The following BNC2 variants were observed in gnomAD, a reference collection of about 807,000 sequenced individuals.
BNC2 encodes the protein zinc finger protein basonuclin-2.
In BNC2, 20 loss-of-function variants were observed where a neutral mutation model predicts 76.3. The observed-to-expected ratio is 0.26, with a 90% CI of 0.18 to 0.38. BNC2 has a LOEUF of 0.38. Among genes scored for constraint, BNC2 ranks in the 10% least tolerant of loss-of-function variants. The pLI, the probability that BNC2 is intolerant of heterozygous loss-of-function variation, is 1.00. For synonymous variants in BNC2, 582 were observed against 514.8 expected, an observed-to-expected ratio of 1.13 and a Z score of -1.77; for missense variants, 1,382 against 1,399.8, an observed-to-expected ratio of 0.99 and a Z score of 0.20.
intron 3 of BNC2, among the ~76,000 whole-genome samples, chr9:16,605,294 G>A (rs7868274): frequency 0.015 from 2,269 of 152,246 alleles, 59 homozygotes; most frequent in African/African-American, 0.051. Context: ...TACTGGCAAC[G>A]CTTCTTACGC....
At position 16,738,404 on chromosome 9, in the gene BNC2, A is replaced by G; in HGVS notation, c.85T>C (p.Tyr29His). The change falls in exon 2 of 7, where the codon TAT becomes CAT. Residue 29 changes from tyrosine to histidine, a missense_variant. Coordinates refer to ENST00000380672, the MANE Select transcript of BNC2 (RefSeq NM_017637.6). Reference sequence around the variant, plus strand: ...ACCCCACAACATGGGACCTTGAAATATGCTGGCCAGTCTTGCTCACTAAGC... The same window carrying G: ...ACCCCACAACATGGGACCTTGAAATGTGCTGGCCAGTCTTGCTCACTAAGC... ...DRLSEQDWPA[Y>H]FKVPCCGVDT... 1 of 1,614,122 alleles carries G rather than the reference A, an allele frequency of 6.2e-7. No individual in the cohort carries two copies. Among genetic ancestry groups the G allele is most frequent in the Non-Finnish European group, 8.5e-7 (1 of 1,179,994 alleles).
At chr9:16,546,855 C>T (rs974802563) in intron 5 of BNC2, among the ~76,000 whole-genome samples, 4 of 152,220 alleles carry the variant, frequency 2.6e-5, no homozygotes, top group African/African-American at 9.6e-5. Flanking sequence ...AAAAAACAAA[C>T]ATCCAAATAT....
intron 5 of BNC2, among the ~76,000 whole-genome samples, chr9:16,479,084 T>A (rs1388236563): frequency 6.6e-6 from 1 of 151,808 alleles, no homozygotes; most frequent in Non-Finnish European, 1.5e-5. Flanking sequence ...AAACCCTGTC[T>A]CTACCAAAAA....
chr9:16,716,855 T>A (rs1380502818), intron 3 of BNC2, among the ~76,000 whole-genome samples: 2 of 152,226 alleles, frequency 1.3e-5, no homozygotes, highest in East Asian at 3.8e-4. Context: ...AAGAATGTAA[T>A]CCCTGAACAT....
chr9:16,731,646 T>C (rs1824507989), intron 2 of BNC2, among the ~76,000 whole-genome samples: 2 of 152,182 alleles, frequency 1.3e-5, no homozygotes, highest in African/African-American at 2.4e-5. Flanking sequence ...ATATACTGGC[T>C]CTAATACACT....
At chr9:16,773,615 C>T (rs1825886459) in intron 1 of BNC2, among the ~76,000 whole-genome samples, 2 of 152,054 alleles carry the variant, frequency 1.3e-5, no homozygotes, top group African/African-American at 4.8e-5. Context: ...CATTGACAGC[C>T]GCTGAGATAA....
chr9:16,505,618 A>T (rs1822607869), intron 5 of BNC2, among the ~76,000 whole-genome samples: 1 of 152,182 alleles, frequency 6.6e-6, no homozygotes, highest in Non-Finnish European at 1.5e-5. Flanking sequence ...GCTGTTCTAA[A>T]AGAAAATAGT....
At chr9:16,625,290 G>C (rs1488576289) in intron 3 of BNC2, among the ~76,000 whole-genome samples, 1 of 152,160 alleles carries the variant, frequency 6.6e-6, no homozygotes, top group Non-Finnish European at 1.5e-5. Flanking sequence ...TCCTGAAATA[G>C]TTGTGGTAAT....
intron 3 of BNC2, among the ~76,000 whole-genome samples, chr9:16,647,083 A>T (rs1315240318): frequency 6.6e-6 from 1 of 152,128 alleles, no homozygotes; most frequent in African/African-American, 2.4e-5. Flanking sequence ...TTTAAATGCA[A>T]CCTGGTTGTA....
intron 4 of BNC2, among the ~76,000 whole-genome samples, chr9:16,576,213 A>T (rs898311874): frequency 1.3e-5 from 2 of 152,234 alleles, no homozygotes; most frequent in Non-Finnish European, 1.5e-5. Context: ...TCTCCAAGCC[A>T]GAGCTTGCTG....
chr9:16,492,894 A>G (rs1245328774), intron 5 of BNC2, among the ~76,000 whole-genome samples: 1 of 152,078 alleles, frequency 6.6e-6, no homozygotes, highest in Non-Finnish European at 1.5e-5. Context: ...AGTCAACTTA[A>G]CATGTAGGTT....
intron 6 of BNC2, 127 bp from the exon 7 acceptor site, chr9:16,419,776 A>T (rs1271569025): frequency 1.5e-6 from 1 of 689,546 alleles, no homozygotes; most frequent in East Asian, 2.7e-5. Flanking sequence ...TTCTAATTAC[A>T]CCATTATAAA....
At chr9:16,565,543 G>T (rs982421144) in intron 4 of BNC2, among the ~76,000 whole-genome samples, 2 of 152,166 alleles carry the variant, frequency 1.3e-5, no homozygotes, top group Non-Finnish European at 2.9e-5. Context: ...GGGCACAGTG[G>T]CTCATGCCTG....
At chr9:16,752,466 G>C (rs747599906) in intron 1 of BNC2, among the ~76,000 whole-genome samples, 22 of 152,198 alleles carry the variant, frequency 1.4e-4, no homozygotes, top group Non-Finnish European at 2.6e-4. Context: ...GACGTTTCAT[G>C]CTGTTGTACA....
intron 1 of BNC2, among the ~76,000 whole-genome samples, chr9:16,837,929 A>T (rs146165851): frequency 6.7e-6 from 1 of 150,318 alleles, no homozygotes; most frequent in Non-Finnish European, 1.5e-5. Context: ...ACTCTGTCTA[A>T]AAAAAAAAAC....
At chr9:16,452,924 T>G (rs1179970563) in intron 5 of BNC2, among the ~76,000 whole-genome samples, 1 of 152,206 alleles carries the variant, frequency 6.6e-6, no homozygotes, top group Non-Finnish European at 1.5e-5. Context: ...TACAGATCAA[T>G]GTAATCAGTT....
At chr9:16,791,682 C>CT (rs1202310957) in intron 1 of BNC2, among the ~76,000 whole-genome samples, 18 of 152,184 alleles carry the variant, frequency 1.2e-4, no homozygotes, top group African/African-American at 4.3e-4. Context: ...AACACTGTTA[C>CT]TAGTAACAAA....
chr9:16,677,190 T>G (rs1002316889), intron 3 of BNC2, among the ~76,000 whole-genome samples: 2 of 152,060 alleles, frequency 1.3e-5, no homozygotes, highest in African/African-American at 4.8e-5. Flanking sequence ...ACAGGCACAA[T>G]CTCCTTCAAT....
At chr9:16,720,188 G>A (rs1460712696) in intron 3 of BNC2, among the ~76,000 whole-genome samples, 1 of 152,104 alleles carries the variant, frequency 6.6e-6, no homozygotes, top group Non-Finnish European at 1.5e-5. Flanking sequence ...CCTGAGGGTG[G>A]CACCTCTCTC....
Sources: gnomAD v4.1 joint callset for allele counts (sites outside exome capture counted in the v4.1 genomes callset) on GRCh38, gnomAD v4.1.1 for gene constraint, MANE v1.5 for transcripts, NCBI Gene and HGNC (gene_info 2026-07-23, HGNC 2026-07-21) for gene names.